FBXO7: variants seen among roughly 807,000 people sequenced by gnomAD.
The protein encoded by FBXO7 is F-box protein 7.
FBXO7 carries 31 observed loss-of-function variants against 50.2 expected under a neutral mutation model. The ratio of observed to expected loss-of-function variants is 0.62; its 90% confidence interval spans 0.46 to 0.83. FBXO7 has a LOEUF of 0.83. Among genes scored for constraint, FBXO7 ranks in the 40% least tolerant of loss-of-function variants. The pLI, the probability that FBXO7 is intolerant of heterozygous loss-of-function variation, is 0.00. For missense variants in FBXO7, 667 were observed against 646.6 expected (o/e 1.03, Z -0.34); for synonymous variants, 256 against 253.1 (o/e 1.01, Z -0.11).
intron 6 of FBXO7, chr22:32,491,387 CTCTT>C (rs2057534311): frequency 1.9e-6 from 1 of 518,264 alleles, no homozygotes; most frequent in South Asian, 2.2e-5. Context: ...TTATTGTAGT[CTCTT>C]TTCCATGGAC....
intron 5 of FBXO7, chr22:32,488,729 A>G (rs181893031): frequency 6.6e-6 from 1 of 152,320 alleles, no homozygotes; most frequent in East Asian, 1.9e-4. Flanking sequence ...ATACTAACTA[A>G]AACTGACAGG....
intron 2 of FBXO7, among the ~76,000 whole-genome samples, chr22:32,481,000 A>G (rs2057461008): frequency 6.6e-6 from 1 of 152,164 alleles, no homozygotes; most frequent in East Asian, 1.9e-4. Context: ...AATGGTGCAA[A>G]TGATCACCTT....
At chr22:32,487,624 T>G in intron 4 of FBXO7, 121 bp from the exon 5 acceptor site, 1 of 680,822 alleles carries the variant, frequency 1.5e-6, no homozygotes, top group Non-Finnish European at 2.6e-6. Flanking sequence ...GAAGAACAGT[T>G]TGTTTTGTAT....
At chr22:32,476,797 A>T (rs1360590055) in intron 1 of FBXO7, among the ~76,000 whole-genome samples, 1 of 152,252 alleles carries the variant, frequency 6.6e-6, no homozygotes, top group Non-Finnish European at 1.5e-5. Context: ...TGGAGTTTCT[A>T]GAATTTCATT....
intron 8 of FBXO7, among the ~76,000 whole-genome samples, chr22:32,496,557 A>G (rs538709380): frequency 6.6e-6 from 1 of 152,326 alleles, no homozygotes; most frequent in Admixed American, 6.5e-5. Flanking sequence ...GGAACAACAA[A>G]GCCTGGATGA....
chr22:32,496,168 T>C (rs899258102), intron 8 of FBXO7, among the ~76,000 whole-genome samples: 1 of 152,172 alleles, frequency 6.6e-6, no homozygotes, highest in Non-Finnish European at 1.5e-5. Flanking sequence ...ATTCTGAAAA[T>C]CCTAGGGCCC....
chr22:32,485,098 G>C lies in FBXO7; in HGVS notation c.676G>C (p.Glu226Gln). The C allele has an allele frequency of 1.9e-6, 3 of 1,614,122 alleles. No homozygotes were observed. Among genetic ancestry groups the C allele is most frequent in the Non-Finnish European group, 2.5e-6 (3 of 1,180,016 alleles). The change falls in exon 4 of 9, where the codon GAG becomes CAG. Residue 226 changes from glutamate (E) to glutamine (Q), a missense_variant. Coordinates refer to ENST00000266087, the MANE Select transcript of FBXO7 (RefSeq NM_012179.4). ...CGAAGCCAAAGCACTGTCCATGCCG[G>C]AGAAGTGGAAGTTGAGCGGGGTGTA... ...GTEAKALSMP[E>Q]KWKLSGVYKL...
In FBXO7 at chr22:32,474,863, C is replaced by T; in HGVS notation, c.-140C>T. 2.4e-6 allele frequency: 2 copies of T among 816,668 alleles called. No homozygotes were observed. The highest frequency in any genetic ancestry group is 3.7e-6 in the Non-Finnish European group (2 of 546,148). The allele number at this position is 816,668 out of a possible 1,614,324, so 50.6% of individuals were successfully genotyped here. On this transcript the variant is annotated 5_prime_UTR_variant, in exon 1 of 9. Transcript: ENST00000266087. ...GCGGCCACTGTGGCGGGGCTCTTTC[C>T]CCGTTTCGCCTCAGCTACCCCTCAG... is the stretch of plus-strand genomic sequence containing the variant.
chr22:32,478,254 A>ATG (rs1671853216), intron 1 of FBXO7: 1 of 152,358 alleles, frequency 6.6e-6, no homozygotes, highest in Non-Finnish European at 1.5e-5. Context: ...CTATTGGAAG[A>ATG]TTTTAAGTGA....
intron 2 of FBXO7, among the ~76,000 whole-genome samples, chr22:32,481,028 T>A (rs2057461314): frequency 6.6e-6 from 1 of 152,206 alleles, no homozygotes; most frequent in Non-Finnish European, 1.5e-5. Flanking sequence ...TTAATACCAA[T>A]ACACATGCCT....
chr22:32,497,401 A>G (rs112667777), intron 8 of FBXO7, among the ~76,000 whole-genome samples: 5,441 of 152,162 alleles, frequency 0.036, 324 homozygotes, highest in African/African-American at 0.12. Flanking sequence ...TTGGTTTTCC[A>G]TTCTAGAGTT....
rs186055552 is a variant in FBXO7, at chr22:32,493,004, T to A, written c.968-101T>A. ...ATTAAGAGTACCATCTAATTTTCTG[T>A]CACTTTAGAAAGGAACAAGTGGCAA... On this transcript the variant is annotated intron_variant, in intron 6 of 8. Coordinates refer to ENST00000266087, the MANE Select transcript of FBXO7 (RefSeq NM_012179.4). 1.2e-5 allele frequency: 14 copies of A among 1,144,212 alleles called. No homozygotes were observed. In the Admixed American group the frequency reaches 2.4e-4, roughly 19 times the overall value. 70.9% of individuals were successfully genotyped at this position (1,144,212 alleles called of 1,614,324 possible).
chr22:32,484,693 G>C lies in FBXO7; in HGVS notation c.646-375G>C, dbSNP rs568017944. 3.3e-5 allele frequency among the ~76,000 whole-genome samples: 5 copies of C among 152,300 alleles called. No individual in the cohort carries two copies. In the South Asian group the frequency reaches 1.0e-3, roughly 32 times the overall value. ...ATGAATAGAATGCTAGGGGATGAAAGGAAATGGCAAACAATTTTTCTTTGA... is the reference window on the plus strand; with the variant it reads ...ATGAATAGAATGCTAGGGGATGAAACGAAATGGCAAACAATTTTTCTTTGA... On this transcript the variant is annotated intron_variant, in intron 3 of 8. Coordinates refer to ENST00000266087, the MANE Select transcript of FBXO7 (RefSeq NM_012179.4).
chr22:32,490,094 T>C (rs2145999022), intron 5 of FBXO7: 1 of 152,364 alleles, frequency 6.6e-6, no homozygotes, highest in Non-Finnish European at 1.5e-5. Flanking sequence ...GATCCTGTTA[T>C]ACTGAGTGTT....
chr22:32,476,698 A>C (rs1164074811), intron 1 of FBXO7, among the ~76,000 whole-genome samples: 1 of 152,190 alleles, frequency 6.6e-6, no homozygotes, highest in East Asian at 1.9e-4. Flanking sequence ...TTTTAAGAGA[A>C]AAGTGAAAGC....
At chr22:32,495,405 C>G (rs77080564) in intron 7 of FBXO7, 88 bp from the exon 8 acceptor site, 8 of 735,360 alleles carry the variant, frequency 1.1e-5, no homozygotes, top group East Asian at 5.7e-5. Flanking sequence ...GTAAGTTTCA[C>G]TTTTCTTAGG....
At chr22:32,498,098 A>G (rs781401682) in intron 8 of FBXO7, 46 bp from the exon 9 acceptor site, 2 of 1,597,028 alleles carry the variant, frequency 1.3e-6, no homozygotes, top group Middle Eastern at 1.7e-4. Context: ...GGAAACATCC[A>G]GATCACTTAC....
In FBXO7 at chr22:32,474,873, C is replaced by T. The variant is rs1399012413; in HGVS notation, c.-130C>T. The T allele has an allele frequency of 6.5e-6, 6 of 920,626 alleles. No homozygotes were observed. Among genetic ancestry groups the T allele is most frequent in the Non-Finnish European group, 9.4e-6 (6 of 640,262 alleles). 57.0% of individuals were successfully genotyped at this position (920,626 alleles called of 1,614,324 possible). ...TGGCGGGGCTCTTTCCCCGTTTCGC[C>T]TCAGCTACCCCTCAGCTCCGGTAGT... On this transcript the variant is annotated 5_prime_UTR_variant, in exon 1 of 9. Coordinates refer to ENST00000266087, the MANE Select transcript of FBXO7 (RefSeq NM_012179.4).
chr22:32,485,053 C>A lies in FBXO7; in HGVS notation c.646-15C>A. The A allele has an allele frequency of 1.2e-6, 2 of 1,614,014 alleles. No homozygotes were observed. Among genetic ancestry groups the A allele is most frequent in the Non-Finnish European group, 1.7e-6 (2 of 1,179,952 alleles). On this transcript the variant is annotated splice_polypyrimidine_tract_variant and intron_variant, in intron 3 of 8. Coordinates refer to ENST00000266087, the MANE Select transcript of FBXO7 (RefSeq NM_012179.4). ...CTTTCTTCATTATTTGTTTCCCTTT[C>A]ATTTCGTTCCCCAGGGCACCGAAGC...
Sources: allele counts gnomAD v4.1 joint callset (sites outside exome capture counted in the v4.1 genomes callset), GRCh38; gene constraint gnomAD v4.1.1; transcripts MANE v1.5; gene names NCBI Gene and HGNC (gene_info 2026-07-23, HGNC 2026-07-21).